Variants in TNS1 observed in about 807,000 individuals in gnomAD.
TNS1 encodes the protein tensin-1.
Under a neutral mutation model 168.6 loss-of-function variants are expected in TNS1, and 62 were observed. That is an observed-to-expected ratio of 0.37 (90% confidence interval 0.30 to 0.45). The LOEUF (loss-of-function observed/expected upper bound fraction) is 0.45. Among genes scored for constraint, TNS1 ranks in the 20% least tolerant of loss-of-function variants. The pLI, the probability that TNS1 is intolerant of heterozygous loss-of-function variation, is 1.00. For synonymous variants in TNS1, 934 were observed against 933.2 expected (o/e 1.00, Z -0.02); for missense variants, 2,240 against 2,339.4 (o/e 0.96, Z 0.88).
Position 217,897,939 on chromosome 2 carries a change from GTCC to G in TNS1, c.399_401del (p.Glu133del), listed in dbSNP as rs200962764. On this transcript the variant is annotated inframe_deletion, in exon 8 of 33. Coordinates refer to ENST00000682258, the MANE Select transcript of TNS1 (RefSeq NM_001387777.1). ...CGTACACCAGGTCCAGCTCACAGCT[GTCC>G]TCCATGGTCCGGCTCACACTCATGT... 16,152 of 1,610,924 alleles carry G rather than the reference GTCC, an allele frequency of 0.01. 130 individuals are homozygous for G. The highest frequency in any genetic ancestry group is 0.024 in the African/African-American group (1,812 of 74,864).
chr2:217,869,213 A>T (rs980243268), intron 18 of TNS1, among the ~76,000 whole-genome samples: 10 of 152,156 alleles, frequency 6.6e-5, no homozygotes, highest in Non-Finnish European at 1.3e-4. Flanking sequence ...CAGGCAGGGG[A>T]GGGAGTGGGT....
rs1039187577 is a variant in TNS1, at chr2:217,818,748, C to T, written c.3584G>A (p.Gly1195Glu). ...PILSADSTSV[G>E]SFPSGESSDQ... ...ACTGCTCTCTCCCGACGGGAAACTC[C>T]CCACTGAAGTGCTGCAGAGAGATGG... The change falls in exon 24 of 33, where the codon GGG becomes GAG. Residue 1195 changes from glycine to glutamate, a missense_variant. This residue lies in a region of TNS1 where 2,131 missense variants were observed against 2,171.2 expected (regional missense o/e 0.98). Coordinates refer to ENST00000682258, the MANE Select transcript of TNS1 (RefSeq NM_001387777.1). 2 of 1,610,042 alleles carry T rather than the reference C, an allele frequency of 1.2e-6. No individual in the cohort carries two copies. Among genetic ancestry groups the T allele is most frequent in the Non-Finnish European group, 1.7e-6 (2 of 1,177,976 alleles).
chr2:218,003,144 T>C, upstream of TNS1: 1 of 348,894 alleles, frequency 2.9e-6, no homozygotes, highest in South Asian at 2.1e-5. Flanking sequence ...TTGCAGGGGG[T>C]GTAAAGGGGA....
chr2:217,808,878 A>G (rs1939788816), intron 30 of TNS1, among the ~76,000 whole-genome samples: 1 of 152,144 alleles, frequency 6.6e-6, no homozygotes, highest in Non-Finnish European at 1.5e-5. Context: ...AATCATCCCA[A>G]ATGCTAGGGG....
intron 18 of TNS1, among the ~76,000 whole-genome samples, chr2:217,851,475 C>A (rs1439767492): frequency 3.5e-5 from 5 of 141,128 alleles, no homozygotes; most frequent in African/African-American, 5.3e-5. Context: ...ACACACACAC[C>A]CCAGGGACTG....
chr2:217,903,922 G>A, intron 6 of TNS1: 1 of 394,800 alleles, frequency 2.5e-6, no homozygotes, highest in Non-Finnish European at 4.5e-6. Context: ...ATGCCTCTGT[G>A]GGAAGAGCCC....
chr2:217,988,709 G>A (rs549065974), intron 2 of TNS1, among the ~76,000 whole-genome samples: 2 of 152,280 alleles, frequency 1.3e-5, no homozygotes, highest in Admixed American at 6.5e-5. Context: ...GTGACACCGC[G>A]TGGCTGATTT....
intron 3 of TNS1, among the ~76,000 whole-genome samples, chr2:217,959,794 G>A (rs1479120979): frequency 6.6e-6 from 1 of 152,028 alleles, no homozygotes; most frequent in African/African-American, 2.4e-5. Flanking sequence ...GGAGGACACA[G>A]AGGCAGCTGG....
chr2:217,937,853 A>G (rs535368390), intron 3 of TNS1, among the ~76,000 whole-genome samples: 10 of 152,056 alleles, frequency 6.6e-5, no homozygotes, highest in Admixed American at 1.3e-4. Flanking sequence ...ACCCAGATGG[A>G]CCCAGGGTGG....
rs776966896 is a variant in TNS1, at chr2:217,848,319, T to C, written c.2198A>G (p.His733Arg). The C allele has an allele frequency of 3.9e-6, 6 of 1,536,544 alleles. No individual in the cohort carries two copies. The highest frequency in any genetic ancestry group is 1.3e-5 in the South Asian group (1 of 78,460). The change falls in exon 19 of 33, where the codon CAC becomes CGC. Residue 733 changes from histidine to arginine, a missense_variant. Around this residue, in one of 2 missense-constraint regions of TNS1, gnomAD observed 2,131 missense variants for 2,171.2 expected, o/e 0.98. Coordinates refer to ENST00000682258, the MANE Select transcript of TNS1 (RefSeq NM_001387777.1). Reference sequence around the variant, plus strand: ...CATACCGCTGGGGTCATGGGCATAGTGGGAGGTGGTCACTGGCTGTGGCCA... The same window carrying C: ...CATACCGCTGGGGTCATGGGCATAGCGGGAGGTGGTCACTGGCTGTGGCCA... ...PAWPQPVTTS[H>R]YAHDPSGMFR... is the part of the protein sequence containing the mutation.
At chr2:217,849,110 G>A in intron 18 of TNS1, 23 bp from the exon 19 acceptor site, 1 of 1,594,600 alleles carries the variant, frequency 6.3e-7, no homozygotes, top group East Asian at 2.2e-5. Flanking sequence ...GAGCCGGAGG[G>A]GAGACAACAG....
intron 3 of TNS1, among the ~76,000 whole-genome samples, chr2:217,923,204 TG>T (rs1163735670): frequency 6.6e-6 from 1 of 152,184 alleles, no homozygotes; most frequent in Non-Finnish European, 1.5e-5. Context: ...CTCCCAGAGC[TG>T]TCAGTGCAGG....
chr2:217,848,293 A>C lies in TNS1; in HGVS notation c.2224T>G (p.Phe742Val), dbSNP rs754417823. The stretch of plus-strand genomic sequence containing the variant: ...GCTTCCGAAAAGGATTGAGAGCGGA[A>C]CATACCGCTGGGGTCATGGGCATAG... ...SHYAHDPSGM[F>V]RSQSFSEAEP... Residue 742 changes from phenylalanine (F) to valine (V), a missense_variant, in exon 19 of 33, where the codon TTC (phenylalanine) becomes GTC (valine). Physicochemically the swap from Phe to Val is conservative, Grantham distance 50. This residue lies in a region of TNS1 where 2,131 missense variants were observed against 2,171.2 expected (regional missense o/e 0.98). Transcript: ENST00000682258. The C allele has an allele frequency of 5.2e-6, 8 of 1,547,044 alleles. No individual in the cohort carries two copies. The highest frequency in any genetic ancestry group is 7.0e-6 in the Non-Finnish European group (8 of 1,145,836).
At chr2:217,825,638 C>T (rs1340376427) in intron 22 of TNS1, among the ~76,000 whole-genome samples, 9 of 152,196 alleles carry the variant, frequency 5.9e-5, no homozygotes, top group Admixed American at 3.9e-4. Context: ...CACACCACCC[C>T]GTCCTGTGGT....
At chr2:218,005,429 C>T (rs1958649483), upstream of TNS1, among the ~76,000 whole-genome samples, 1 of 152,244 alleles carries the variant, frequency 6.6e-6, no homozygotes, top group Non-Finnish European at 1.5e-5. Context: ...CCCCATCCCT[C>T]TTCTCCAAGC....
chr2:217,844,128 G>A (rs539190385), intron 19 of TNS1, among the ~76,000 whole-genome samples: 2 of 152,040 alleles, frequency 1.3e-5, no homozygotes, highest in South Asian at 2.1e-4. Flanking sequence ...TCCCTCATCC[G>A]CTCCAGCCAA....
At chr2:217,942,523 T>C (rs1003092849) in intron 3 of TNS1, among the ~76,000 whole-genome samples, 4 of 152,150 alleles carry the variant, frequency 2.6e-5, no homozygotes, top group African/African-American at 7.2e-5. Context: ...CAAGGAGAGC[T>C]GTATTCAGGC....
intron 18 of TNS1, among the ~76,000 whole-genome samples, chr2:217,872,847 A>G (rs1022870759): frequency 1.3e-5 from 2 of 152,286 alleles, no homozygotes; most frequent in Non-Finnish European, 2.9e-5. Flanking sequence ...CCTACAATAG[A>G]ATATCATTCA....
intron 6 of TNS1, chr2:217,905,374 T>C (rs1167281066): frequency 2.2e-6 from 1 of 452,470 alleles, no homozygotes; most frequent in Non-Finnish European, 4.4e-6. Flanking sequence ...GTCCATGGGA[T>C]GCTGCCGCTT....
Sources: allele counts gnomAD v4.1 joint callset (sites outside exome capture counted in the v4.1 genomes callset), GRCh38; gene constraint gnomAD v4.1.1; regional missense constraint gnomAD v4.1.1; transcripts MANE v1.5; gene names NCBI Gene and HGNC (gene_info 2026-07-23, HGNC 2026-07-21).